The following GRIN2A variants were observed in gnomAD, a reference collection of about 807,000 sequenced individuals.
GRIN2A encodes the protein glutamate receptor ionotropic, NMDA 2A.
A neutral mutation model predicts 113.4 loss-of-function variants in GRIN2A; 22 were observed. The observed-to-expected ratio is 0.19, with a 90% CI of 0.14 to 0.28. GRIN2A has a LOEUF of 0.28. Ranked by LOEUF, GRIN2A falls within the 10% of genes least tolerant of loss-of-function variation. The pLI is 1.00. For missense variants in GRIN2A, 1,502 were observed against 1,887.0 expected, an observed-to-expected ratio of 0.80 and a Z score of 3.78; for synonymous variants, 827 against 738.4, an observed-to-expected ratio of 1.12 and a Z score of -1.94.
In GRIN2A at chr16:9,763,286, T is replaced by G. The variant is rs1297205218; in HGVS notation, c.4258A>C (p.Asn1420His). ...SYCSRDSRGHNDVYISEHVMP... is the reference protein window; with the variant it reads ...SYCSRDSRGHHDVYISEHVMP... ...ACATGCTCCGAAATATACACATCATTGTGGCCCCGACTGTCCCTGGAACAG... is the reference window on the plus strand; with the variant it reads ...ACATGCTCCGAAATATACACATCATGGTGGCCCCGACTGTCCCTGGAACAG... Residue 1420 changes from asparagine to histidine, a missense_variant, in exon 13 of 13, where the codon AAT (asparagine) becomes CAT (histidine). Transcript: ENST00000330684. The G allele has an allele frequency of 1.2e-6, 2 of 1,614,042 alleles. No homozygotes were observed. The highest frequency in any genetic ancestry group is 1.7e-6 in the Non-Finnish European group (2 of 1,180,022).
intron 3 of GRIN2A, among the ~76,000 whole-genome samples, chr16:9,908,323 C>T (rs72783928): frequency 2.4e-3 from 361 of 152,178 alleles, no homozygotes; most frequent in Non-Finnish European, 4.4e-3. Context: ...TGTTTACCAC[C>T]TAAAGGGCAA....
At chr16:9,807,233 G>T (rs2041989960) in intron 10 of GRIN2A, among the ~76,000 whole-genome samples, 2 of 75,236 alleles carry the variant, frequency 2.7e-5, no homozygotes, top group Admixed American at 1.3e-4. Context: ...GAAAAAGTGG[G>T]GGGAGAGAGG....
intron 2 of GRIN2A, among the ~76,000 whole-genome samples, chr16:10,060,388 C>T (rs2047530943): frequency 6.6e-6 from 1 of 152,180 alleles, no homozygotes; most frequent in Non-Finnish European, 1.5e-5. Flanking sequence ...TGTGACCTAT[C>T]TTATAGATAA....
intron 2 of GRIN2A, among the ~76,000 whole-genome samples, chr16:10,173,101 G>A (rs2050075304): frequency 6.6e-6 from 1 of 152,352 alleles, no homozygotes; most frequent in South Asian, 2.1e-4. Context: ...CTACCGGGAG[G>A]ACGCCTGTTG....
At chr16:10,067,963 T>C (rs1277880438) in intron 2 of GRIN2A, among the ~76,000 whole-genome samples, 1 of 152,254 alleles carries the variant, frequency 6.6e-6, no homozygotes, top group East Asian at 1.9e-4. Flanking sequence ...TCAGCTCTGC[T>C]ACTCAGTGGC....
chr16:10,088,476 C>G (rs143387952), intron 2 of GRIN2A, among the ~76,000 whole-genome samples: 1 of 152,322 alleles, frequency 6.6e-6, no homozygotes, highest in African/African-American at 2.4e-5. Context: ...GCAGACACAA[C>G]AATCTATACC....
chr16:10,179,934 G>A, intron 2 of GRIN2A, 64 bp downstream of exon 2: 1 of 1,317,126 alleles, frequency 7.6e-7, no homozygotes, highest in South Asian at 1.2e-5. Flanking sequence ...CCGAAGACCT[G>A]CAGCAGCTGC....
chr16:10,082,803 C>A (rs1044534947), intron 2 of GRIN2A, among the ~76,000 whole-genome samples: 1 of 152,176 alleles, frequency 6.6e-6, no homozygotes, highest in African/African-American at 2.4e-5. Flanking sequence ...ACAAATAATA[C>A]CTACAGCAGT....
rs140929988 is a variant in GRIN2A at position 10,016,116 on chromosome 16, CAAAAAAAAAAAAAA to C, written c.415-77579_415-77566del. ...GGGTGACAAGAGTGAAACTCCATCTCAAAAAAAAAAAAAAAAAAAAAAAAAGTGGTAGGCATGGC... is the reference window on the plus strand; with the variant it reads ...GGGTGACAAGAGTGAAACTCCATCTCAAAAAAAAAAAGTGGTAGGCATGGC... On this transcript the variant is annotated intron_variant, in intron 2 of 12. Coordinates refer to ENST00000330684, the MANE Select transcript of GRIN2A (RefSeq NM_001134407.3). Among the ~76,000 whole-genome samples, 27 of 66,314 alleles carry C rather than the reference CAAAAAAAAAAAAAA, an allele frequency of 4.1e-4. 1 individual carries two copies. Among genetic ancestry groups the C allele is most frequent in the Non-Finnish European group, 7.1e-4 (26 of 36,816 alleles). The allele number at this position is 66,314 out of a possible 152,430, so 43.5% of individuals were successfully genotyped here. A position where few individuals can be genotyped will look rare whatever the true frequency, so the allele number is the denominator to read the frequency against.
chr16:9,970,161 T>A (rs1464241912), intron 2 of GRIN2A, among the ~76,000 whole-genome samples: 1 of 152,240 alleles, frequency 6.6e-6, no homozygotes, highest in Non-Finnish European at 1.5e-5. Flanking sequence ...GCACTTGACT[T>A]CAGCCTTCAG....
At chr16:9,791,287 A>G (rs1902591312) in intron 11 of GRIN2A, among the ~76,000 whole-genome samples, 1 of 152,162 alleles carries the variant, frequency 6.6e-6, no homozygotes, top group African/African-American at 2.4e-5. Flanking sequence ...AAATGGGGTT[A>G]GGAAAAGAGG....
intron 4 of GRIN2A, among the ~76,000 whole-genome samples, chr16:9,877,656 C>T (rs1033748966): frequency 4.6e-5 from 6 of 129,278 alleles, no homozygotes; most frequent in East Asian, 2.7e-4. Flanking sequence ...CTCCCTCTCC[C>T]CCCTCTCTCT....
At chr16:10,090,470 T>C (rs929818212) in intron 2 of GRIN2A, among the ~76,000 whole-genome samples, 4 of 152,106 alleles carry the variant, frequency 2.6e-5, no homozygotes, top group African/African-American at 9.7e-5. Flanking sequence ...CTGGGAAAAT[T>C]TGATATCAAT....
chr16:9,904,514 G>A (rs1000380282), intron 3 of GRIN2A, among the ~76,000 whole-genome samples: 1 of 152,092 alleles, frequency 6.6e-6, no homozygotes, highest in African/African-American at 2.4e-5. Flanking sequence ...TGGGATTACA[G>A]GTGTGCACCA....
intron 4 of GRIN2A, among the ~76,000 whole-genome samples, chr16:9,865,583 C>T (rs1467474568): frequency 1.3e-5 from 2 of 152,212 alleles, no homozygotes; most frequent in African/African-American, 4.8e-5. Flanking sequence ...AAAGCAGAAT[C>T]TCAGGATTCC....
intron 2 of GRIN2A, among the ~76,000 whole-genome samples, chr16:10,046,874 G>A (rs923967818): frequency 1.6e-4 from 25 of 152,162 alleles, no homozygotes; most frequent in African/African-American, 5.8e-4. Context: ...TTCAGCTAAC[G>A]TTTATTAAGC....
At chr16:10,114,048 C>T (rs1203977203) in intron 2 of GRIN2A, among the ~76,000 whole-genome samples, 2 of 151,896 alleles carry the variant, frequency 1.3e-5, no homozygotes, top group African/African-American at 4.8e-5. Flanking sequence ...TTTAATTAGC[C>T]ATGCATGGTG....
chr16:9,756,716 T>A lies in GRIN2A; in HGVS notation c.*6433A>T. 1 of 184,748 alleles carries A rather than the reference T, an allele frequency of 5.4e-6. No individual in the cohort carries two copies. The highest frequency in any genetic ancestry group is 1.1e-5 in the Non-Finnish European group (1 of 87,090). The allele number at this position is 184,748 out of a possible 1,614,324, so 11.4% of individuals were successfully genotyped here. ...GAATATCGCCTACACTCAATTTAGA[T>A]ATATTTTGATATTTTCAAATTCAGG... On this transcript the variant is annotated 3_prime_UTR_variant, in exon 13 of 13. Coordinates refer to ENST00000330684, the MANE Select transcript of GRIN2A (RefSeq NM_001134407.3).
In GRIN2A at chr16:10,125,667, C is replaced by CA. The variant is rs386364755; in HGVS notation, c.414+54330_414+54331insT. ...AAAAAAAGACTGTTCCGAGTCTCCCCTCCCTGGCTGTTTTGCTAAGCCCCA... is the reference window on the plus strand; with the variant it reads ...AAAAAAAGACTGTTCCGAGTCTCCCCATCCCTGGCTGTTTTGCTAAGCCCCA... On this transcript the variant is annotated intron_variant, in intron 2 of 12. Coordinates refer to ENST00000330684, the MANE Select transcript of GRIN2A (RefSeq NM_001134407.3). 1.3e-5 allele frequency among the ~76,000 whole-genome samples: 2 copies of CA among 151,572 alleles called. 1 individual carries two copies. The highest frequency in any genetic ancestry group is 1.3e-4 in the Admixed American group (2 of 15,210).
Sources: allele counts gnomAD v4.1 joint callset (sites outside exome capture counted in the v4.1 genomes callset), GRCh38; gene constraint gnomAD v4.1.1; transcripts MANE v1.5; gene names NCBI Gene and HGNC (gene_info 2026-07-23, HGNC 2026-07-21).